TNRC6B: variants seen among roughly 807,000 people sequenced by gnomAD.
TNRC6B encodes trinucleotide repeat-containing gene 6B protein.
In TNRC6B, 52 loss-of-function variants were observed where a neutral mutation model predicts 203.6. The observed-to-expected ratio is 0.26, with a 90% CI of 0.20 to 0.32. The LOEUF is 0.32. Ranked by LOEUF, TNRC6B falls within the 10% of genes least tolerant of loss-of-function variation. The pLI, the probability that TNRC6B is intolerant of heterozygous loss-of-function variation, is 1.00. For synonymous variants in TNRC6B, 838 were observed against 845.7 expected (o/e 0.99, Z 0.16); for missense variants, 1,923 against 2,286.2 (o/e 0.84, Z 3.24).
intron 1 of TNRC6B, among the ~76,000 whole-genome samples, chr22:40,058,215 C>G (rs2067817300): frequency 6.6e-6 from 1 of 152,124 alleles, no homozygotes; most frequent in African/African-American, 2.4e-5. Context: ...GGGGAAAATA[C>G]TACTTTTACA....
At chr22:40,258,035 G>A (rs2146488059) in intron 3 of TNRC6B, among the ~76,000 whole-genome samples, 1 of 111,832 alleles carries the variant, frequency 8.9e-6, no homozygotes, top group African/African-American at 3.2e-5. Context: ...AAAAAAAGAA[G>A]TAAATGAATG....
rs34252639 is a variant in TNRC6B, at chr22:40,331,533, AG to A, written c.*8295del. ...CCTTCAGCTTCATTCAGGAAGACAC[AG>A]GGAGGAGAGATGCTGCTTCTGCGCT... On this transcript the variant is annotated 3_prime_UTR_variant, in exon 23 of 23. Transcript: ENST00000454349. The A allele has an allele frequency of 2.4e-5, 9 of 372,502 alleles. No homozygotes were observed. In the East Asian group the frequency reaches 3.3e-4, roughly 14 times the overall value. The allele number at this position is 372,502 out of a possible 1,614,324, so 23.1% of individuals were successfully genotyped here.
intron 3 of TNRC6B, among the ~76,000 whole-genome samples, chr22:40,131,069 A>G (rs1304336508): frequency 6.6e-6 from 1 of 151,484 alleles, no homozygotes; most frequent in Non-Finnish European, 1.5e-5. Flanking sequence ...ACGCCCGGAT[A>G]ATTTTTTGCC....
intron 1 of TNRC6B, among the ~76,000 whole-genome samples, chr22:40,241,996 T>C (rs2070035153): frequency 6.6e-6 from 1 of 152,236 alleles, no homozygotes; most frequent in Non-Finnish European, 1.5e-5. Flanking sequence ...TCTTGGCAAA[T>C]GTACATTCCA....
At chr22:40,118,619 C>T (rs1875521782) in intron 2 of TNRC6B, among the ~76,000 whole-genome samples, 1 of 152,168 alleles carries the variant, frequency 6.6e-6, no homozygotes, top group Non-Finnish European at 1.5e-5. Flanking sequence ...GTCATTCTTA[C>T]ATAGAAATTT....
intron 1 of TNRC6B, among the ~76,000 whole-genome samples, chr22:40,093,636 G>A (rs192988707): frequency 6.6e-6 from 1 of 152,302 alleles, no homozygotes; most frequent in East Asian, 1.9e-4. Flanking sequence ...AAGAATGAGG[G>A]CAAAACAAAA....
chr22:40,095,889 G>A (rs1025916874), intron 1 of TNRC6B, among the ~76,000 whole-genome samples: 4 of 151,938 alleles, frequency 2.6e-5, no homozygotes, highest in African/African-American at 9.7e-5. Context: ...ACCACAACCT[G>A]TAACCCTCAT....
At chr22:40,294,261 A>G (rs1376892533) in intron 12 of TNRC6B, among the ~76,000 whole-genome samples, 2 of 151,936 alleles carry the variant, frequency 1.3e-5, no homozygotes, top group African/African-American at 2.4e-5. Flanking sequence ...TCAAAAAATC[A>G]ATCAGTCAAT....
intron 15 of TNRC6B, chr22:40,301,593 G>A (rs749549182): frequency 1.6e-5 from 8 of 488,158 alleles, no homozygotes; most frequent in Non-Finnish European, 2.5e-5. Context: ...TTTTGTGTGT[G>A]TGTGTGTGTC....
At position 40,047,216 on chromosome 22, in the gene TNRC6B, T is replaced by C. The variant is rs116981798; in HGVS notation, c.-121+2218T>C. On this transcript the variant is annotated intron_variant, in intron 1 of 23. Transcript: ENST00000301923. ...CGCGTGTTTCATTTTGCCTCCTCCT[T>C]GAATTATCAGAGGGAGAAAGGGCAC... 5.9e-5 allele frequency among the ~76,000 whole-genome samples: 9 copies of C among 152,194 alleles called. No homozygotes were observed. In the East Asian group the frequency reaches 1.7e-3, roughly 29 times the overall value.
At position 40,325,789 on chromosome 22, in the gene TNRC6B, C is replaced by T. The variant is rs928776697; in HGVS notation, c.*2548C>T. On this transcript the variant is annotated 3_prime_UTR_variant, in exon 23 of 23. Transcript: ENST00000454349. ...TCCTGCGAGCCAGTGGCGACCCTGT[C>T]CACTGCCGCTCTTGGTTCACTGCTG... 1.3e-5 allele frequency: 2 copies of T among 152,728 alleles called. No individual in the cohort carries two copies. Among genetic ancestry groups the T allele is most frequent in the South Asian group, 2.1e-4 (1 of 4,820 alleles). The allele number at this position is 152,728 out of a possible 1,614,324, so 9.5% of individuals were successfully genotyped here.
intron 3 of TNRC6B, among the ~76,000 whole-genome samples, chr22:40,148,424 C>T (rs1344123445): frequency 6.6e-6 from 1 of 151,754 alleles, no homozygotes; most frequent in East Asian, 1.9e-4. Flanking sequence ...GCTGGGATTA[C>T]AGGCGCCTGC....
intron 4 of TNRC6B, among the ~76,000 whole-genome samples, chr22:40,162,342 C>A (rs12484390): frequency 2.0e-5 from 3 of 152,174 alleles, no homozygotes; most frequent in Admixed American, 2.0e-4. Flanking sequence ...GATCCGCCTG[C>A]CTCGGTGTCC....
rs764439994 is a variant in TNRC6B, at chr22:40,264,779, A to G, written c.549A>G (p.Pro183=). ...ASSNNGTSPN[P]IHIWDKVIVD... Reference sequence around the variant, plus strand: ...CCAACAACGGCACCTCCCCCAACCCAATTCACATCTGGGACAAGGTGATTG... The same window carrying G: ...CCAACAACGGCACCTCCCCCAACCCGATTCACATCTGGGACAAGGTGATTG... Residue 183 remains proline, a synonymous_variant, in exon 5 of 23, where the codon CCA becomes CCG. Transcript: ENST00000454349. 6.2e-7 allele frequency: 1 copy of G among 1,613,834 alleles called. No homozygotes were observed. The highest frequency in any genetic ancestry group is 1.1e-5 in the South Asian group (1 of 91,054).
At chr22:40,308,759 C>A in intron 16 of TNRC6B, 110 bp downstream of exon 16, 1 of 1,258,500 alleles carries the variant, frequency 7.9e-7, no homozygotes, top group East Asian at 2.4e-5. Flanking sequence ...CCTTGTGAAT[C>A]CTATGATTGC....
chr22:40,281,153 T>C lies in TNRC6B; in HGVS notation c.3446T>C (p.Leu1149Pro). ...CCTTTCTCCAATCAAGATGGGTGCC[T>C]TGGGGATGAGGCTCCCTGCTCTCCC... ...TLPFSNQDGC[L>P]GDEAPCSPFS... Residue 1149 changes from leucine (L) to proline (P), a missense_variant, in exon 11 of 23, where the codon CTT (leucine) becomes CCT (proline). Physicochemically the swap from Leu to Pro is moderately conservative, Grantham distance 98. Coordinates refer to ENST00000454349, the MANE Select transcript of TNRC6B (RefSeq NM_001162501.2). 1 of 1,551,118 alleles carries C rather than the reference T, an allele frequency of 6.4e-7. No individual in the cohort carries two copies. Among genetic ancestry groups the C allele is most frequent in the South Asian group, 1.2e-5 (1 of 83,960 alleles).
At chr22:40,053,560 C>A (rs1880309094) in intron 1 of TNRC6B, among the ~76,000 whole-genome samples, 1 of 152,188 alleles carries the variant, frequency 6.6e-6, no homozygotes. Context: ...TTCTCTTAGA[C>A]TTTACTCATT....
intron 1 of TNRC6B, among the ~76,000 whole-genome samples, chr22:40,233,995 T>A (rs1198752274): frequency 6.6e-6 from 1 of 152,156 alleles, no homozygotes; most frequent in Admixed American, 6.5e-5. Context: ...TAATCTAAAA[T>A]ACCTTCCCAG....
intron 1 of TNRC6B, among the ~76,000 whole-genome samples, chr22:40,062,962 T>C (rs942087498): frequency 2.0e-5 from 3 of 152,156 alleles, no homozygotes; most frequent in Non-Finnish European, 4.4e-5. Context: ...TTTCTTTTGC[T>C]ATTTTTGCTT....
Sources: gnomAD v4.1 joint callset for allele counts (sites outside exome capture counted in the v4.1 genomes callset) on GRCh38, gnomAD v4.1.1 for gene constraint, MANE v1.5 for transcripts, NCBI Gene and HGNC (gene_info 2026-07-23, HGNC 2026-07-21) for gene names.